Variants in UTY observed in about 807,000 individuals in gnomAD.
UTY encodes ubiquitously transcribed tetratricopeptide repeat containing, Y-linked, also known as histone demethylase UTY.
A neutral mutation model predicts 32.5 loss-of-function variants in UTY; 12 were observed. The observed-to-expected ratio is 0.37, with a 90% confidence interval of 0.24 to 0.60. UTY has a LOEUF of 0.60. Ranked by LOEUF, UTY falls within the 20% of genes least tolerant of loss-of-function variation. The pLI is 0.69. For missense variants in UTY, 303 were observed against 299.2 expected, an observed-to-expected ratio of 1.01 and a Z score of -0.09; for synonymous variants, 131 against 103.4, an observed-to-expected ratio of 1.27 and a Z score of -1.62.
intron 28 of UTY, among the ~76,000 whole-genome samples, chrY:13,256,333 T>C: frequency 3.0e-5 from 1 of 33,093 alleles, no homozygotes; most frequent in Non-Finnish European, 7.4e-5. Flanking sequence ...ATAAATAGAA[T>C]AGATCCAGAG....
chrY:13,235,143 G>A, intron 28 of UTY, among the ~76,000 whole-genome samples: 5 of 34,122 alleles, frequency 1.5e-4, no homozygotes, highest in East Asian at 7.8e-4. Flanking sequence ...ACAGCTGGCC[G>A]GGCTGACACA....
rs2057724883 is a variant in UTY, at chrY:13,290,885, AT to A, written c.4010+6821del. Reference sequence around the variant, plus strand: ...TGGCCTCACTGCTGAAACTTACATAATTTTTTTTTTTTTTGAGACGGAGTCT... The same window carrying A: ...TGGCCTCACTGCTGAAACTTACATAATTTTTTTTTTTTTGAGACGGAGTCT... On this transcript the variant is annotated intron_variant, in intron 27 of 29. Coordinates refer to ENST00000545955, the MANE Select transcript of UTY (RefSeq NM_001258249.2). Among the ~76,000 whole-genome samples, 76 of 26,515 alleles carry A rather than the reference AT, an allele frequency of 2.9e-3. No individual in the cohort carries two copies. In the East Asian group the frequency reaches 0.05, roughly 17 times the overall value. 71.1% of individuals were successfully genotyped at this position (26,515 alleles called of 37,273 possible).
At chrY:13,365,425 A>AG (rs2064020919) in intron 10 of UTY, among the ~76,000 whole-genome samples, 9 of 30,717 alleles carry the variant, frequency 2.9e-4, no homozygotes, top group Admixed American at 3.1e-4. Context: ...AAAAAAAAAA[A>AG]AAAAGAAAAG....
chrY:13,422,552 A>G, intron 4 of UTY, among the ~76,000 whole-genome samples: 1 of 33,957 alleles, frequency 2.9e-5, no homozygotes, highest in Non-Finnish European at 7.3e-5. Context: ...TCCCAAAAAA[A>G]CTGAAAGGGG....
Position 13,358,518 on chromosome Y carries a change from T to C in UTY, c.1422A>G (p.Gln474=). 1 of 378,626 alleles carries C rather than the reference T, an allele frequency of 2.6e-6. No homozygotes were observed. Among genetic ancestry groups the C allele is most frequent in the Non-Finnish European group, 3.7e-6 (1 of 272,774 alleles). The allele number at this position is 378,626 out of a possible 400,897, so 94.4% of individuals were successfully genotyped here. The change falls in exon 14 of 30, where the codon CAA becomes CAG. Residue 474 remains glutamine, a synonymous_variant. Coordinates refer to ENST00000545955, the MANE Select transcript of UTY (RefSeq NM_001258249.2). The part of the protein sequence containing the change: ...SLSLHMITSS[Q]VEGLSSPAKK... ...TGGCAGGACTGGACAGGCCTTCTAC[T>C]TGGCTAGAAGTAATCATGTGTAGTG...
chrY:13,388,478 T>C, intron 8 of UTY, among the ~76,000 whole-genome samples: 3 of 34,010 alleles, frequency 8.8e-5, no homozygotes, highest in Non-Finnish European at 1.5e-4. Flanking sequence ...TAGTATGAAG[T>C]GCAGACAGAT....
chrY:13,254,425 T>C, intron 28 of UTY, among the ~76,000 whole-genome samples: 4 of 33,389 alleles, frequency 1.2e-4, no homozygotes, highest in Admixed American at 2.7e-4. Flanking sequence ...AAGGAAAACA[T>C]TGGGCTAATC....
intron 27 of UTY, among the ~76,000 whole-genome samples, chrY:13,270,659 T>A: frequency 3.0e-5 from 1 of 33,836 alleles, no homozygotes; most frequent in East Asian, 7.6e-4. Flanking sequence ...TTGCTGTGTG[T>A]CTCTTGTTTA....
downstream of UTY, among the ~76,000 whole-genome samples, chrY:13,247,485 C>T (rs765538581): frequency 0.011 from 347 of 32,704 alleles, no homozygotes; most frequent in Non-Finnish European, 0.021. Flanking sequence ...GACAGGAGTT[C>T]GAGACCAGCC....
intron 6 of UTY, among the ~76,000 whole-genome samples, chrY:13,400,067 A>C (rs2068762900): frequency 3.0e-5 from 1 of 33,516 alleles, no homozygotes; most frequent in Non-Finnish European, 7.4e-5. Flanking sequence ...TTACTCACAG[A>C]AAGAAAATAA....
chrY:13,337,749 C>A, intron 17 of UTY, among the ~76,000 whole-genome samples: 1 of 33,214 alleles, frequency 3.0e-5, no homozygotes, highest in Non-Finnish European at 7.4e-5. Flanking sequence ...ACAAAAGAGT[C>A]TATAAATACA....
At chrY:13,383,778 C>G (rs1603447007) in intron 8 of UTY, among the ~76,000 whole-genome samples, 7 of 32,899 alleles carry the variant, frequency 2.1e-4, no homozygotes, top group Admixed American at 8.4e-4. Flanking sequence ...TCAATAATCC[C>G]CTACCTTTCA....
intron 21 of UTY, among the ~76,000 whole-genome samples, chrY:13,320,147 T>A: frequency 3.0e-5 from 1 of 33,340 alleles, no homozygotes; most frequent in African/African-American, 1.2e-4. Context: ...TATAAAATGG[T>A]GCTTGGCTTT....
intron 27 of UTY, among the ~76,000 whole-genome samples, chrY:13,268,532 T>C (rs2056042287): frequency 8.9e-5 from 3 of 33,728 alleles, no homozygotes; most frequent in South Asian, 1.3e-3. Context: ...TTCTGTCAGT[T>C]CATCAAACTC....
chrY:13,407,206 C>A (rs2070171672), intron 6 of UTY, among the ~76,000 whole-genome samples: 1 of 31,415 alleles, frequency 3.2e-5, no homozygotes, highest in Non-Finnish European at 7.9e-5. Flanking sequence ...CAAAGTATAA[C>A]AAAATATCAG....
intron 4 of UTY, among the ~76,000 whole-genome samples, chrY:13,443,173 G>A (rs1425228926): frequency 3.0e-5 from 1 of 33,222 alleles, no homozygotes; most frequent in African/African-American, 1.2e-4. Context: ...TAAACATAAC[G>A]TAGGTAATAG....
chrY:13,434,682 TAA>T (rs2074370656), intron 4 of UTY, among the ~76,000 whole-genome samples: 1 of 33,708 alleles, frequency 3.0e-5, no homozygotes, highest in Non-Finnish European at 7.3e-5. Context: ...AAACACACAT[TAA>T]AAGACATTTT....
chrY:13,337,644 G>A (rs2061175846), intron 17 of UTY, among the ~76,000 whole-genome samples: 1 of 33,227 alleles, frequency 3.0e-5, no homozygotes, highest in East Asian at 7.6e-4. Flanking sequence ...ACAAAAAGGT[G>A]GAGTTACATT....
At chrY:13,387,024 T>A (rs1024575191) in intron 8 of UTY, among the ~76,000 whole-genome samples, 11 of 33,558 alleles carry the variant, frequency 3.3e-4, no homozygotes, top group African/African-American at 1.3e-3. Flanking sequence ...ATACATTTCA[T>A]TCATGTTTAA....
Sources: gnomAD v4.1 joint callset for allele counts (sites outside exome capture counted in the v4.1 genomes callset) on GRCh38, gnomAD v4.1.1 for gene constraint, MANE v1.5 for transcripts, NCBI Gene and HGNC (gene_info 2026-07-23, HGNC 2026-07-21) for gene names.